DCDC1: variants seen among roughly 807,000 people sequenced by gnomAD.
DCDC1 encodes doublecortin domain-containing protein 1.
In DCDC1, 200 loss-of-function variants were observed where a neutral mutation model predicts 178.3. The ratio of observed to expected loss-of-function variants is 1.12; its 90% CI spans 1.00 to 1.26. DCDC1 has a LOEUF of 1.26. DCDC1 is among the 50% of genes most tolerant of loss of function. DCDC1 has a pLI of 0.00. For synonymous variants in DCDC1, 690 were observed against 604.8 expected (o/e 1.14, Z -2.07); for missense variants, 1,983 against 1,749.2 (o/e 1.13, Z -2.38).
intron 3 of DCDC1, among the ~76,000 whole-genome samples, chr11:31,321,497 C>G (rs1017735251): frequency 9.2e-5 from 14 of 152,162 alleles, no homozygotes; most frequent in African/African-American, 3.4e-4. Context: ...GAGGCAATGC[C>G]TCGCCCAGCT....
Position 30,906,351 on chromosome 11 carries a change from T to C in DCDC1, c.4104+189A>G, listed in dbSNP as rs528817148. On this transcript the variant is annotated intron_variant, in intron 30 of 38. Coordinates refer to ENST00000684477, the MANE Select transcript of DCDC1 (RefSeq NM_001387274.1). ...TAACTTCAAAGAGTCTATTGAACTA[T>C]TAATAGACAATGCATTTTAAATTAC... is the stretch of plus-strand genomic sequence containing the variant. The C allele has an allele frequency of 2.2e-4, 132 of 598,388 alleles. 3 individuals carry two copies. The South Asian group carries it at 2.9e-3, about 13-fold the overall frequency. 37.1% of individuals were successfully genotyped at this position (598,388 alleles called of 1,614,324 possible).
chr11:30,970,538 T>A (rs2134675993), intron 20 of DCDC1, among the ~76,000 whole-genome samples: 1 of 152,326 alleles, frequency 6.6e-6, no homozygotes, highest in South Asian at 2.1e-4. Flanking sequence ...CCACTGCTGC[T>A]GGCAGTTGCC....
At chr11:31,227,080 A>T (rs1003786656) in intron 9 of DCDC1, among the ~76,000 whole-genome samples, 1 of 152,202 alleles carries the variant, frequency 6.6e-6, no homozygotes, top group Non-Finnish European at 1.5e-5. Context: ...AACTACACAT[A>T]CACTCATGCA....
intron 20 of DCDC1, among the ~76,000 whole-genome samples, chr11:31,021,342 G>A (rs1279627775): frequency 6.6e-6 from 1 of 152,084 alleles, no homozygotes; most frequent in African/African-American, 2.4e-5. Context: ...TTCACCATTA[G>A]AAAGCAACTT....
chr11:31,063,356 T>C (rs1263800977), intron 20 of DCDC1, among the ~76,000 whole-genome samples: 1 of 152,116 alleles, frequency 6.6e-6, no homozygotes, highest in Non-Finnish European at 1.5e-5. Flanking sequence ...ATTGGGTACA[T>C]ACCCAAAGGA....
chr11:31,087,285 GT>G (rs982342737), intron 17 of DCDC1, among the ~76,000 whole-genome samples: 16 of 151,566 alleles, frequency 1.1e-4, no homozygotes, highest in East Asian at 5.8e-4. Context: ...AGATTTATTA[GT>G]TTTTTTTAAT....
In DCDC1 at chr11:31,158,449, A is replaced by G. The variant is rs559748358; in HGVS notation, c.1222-20665T>C. On this transcript the variant is annotated intron_variant, in intron 9 of 38. Transcript: ENST00000684477. ...TACATTGTTTTTGACTATGGTCACC[A>G]TGTTGTACAATAGATTTCATGAACT... Among the ~76,000 whole-genome samples the G allele has an allele frequency of 8.5e-5, 13 of 152,146 alleles. No homozygotes were observed. In the East Asian group the frequency reaches 1.7e-3, roughly 20 times the overall value.
intron 9 of DCDC1, among the ~76,000 whole-genome samples, chr11:31,208,921 C>T (rs286649): frequency 0.3 from 45,572 of 152,082 alleles, 8,300 homozygotes; most frequent in East Asian, 0.63. Flanking sequence ...TGATAGCATC[C>T]AACAGCACCT....
intron 9 of DCDC1, among the ~76,000 whole-genome samples, chr11:31,232,567 C>T (rs1217738272): frequency 6.6e-6 from 1 of 152,108 alleles, no homozygotes; most frequent in Non-Finnish European, 1.5e-5. Flanking sequence ...CTCCTGACTT[C>T]ATGCCACTGC....
intron 38 of DCDC1, among the ~76,000 whole-genome samples, chr11:30,875,525 G>T (rs1942037035): frequency 7.1e-6 from 1 of 141,164 alleles, no homozygotes; most frequent in Admixed American, 7.4e-5. Context: ...TGTGTGTTTT[G>T]ATCATTCGCT....
intron 9 of DCDC1, among the ~76,000 whole-genome samples, chr11:31,233,433 AGCACATATGTG>A (rs1256372997): frequency 6.6e-6 from 1 of 152,186 alleles, no homozygotes; most frequent in Middle Eastern, 3.2e-3. Context: ...ACACAGACAG[AGCACATATGTG>A]GTACTCAACA....
chr11:31,013,790 C>A (rs1267408215), intron 20 of DCDC1, among the ~76,000 whole-genome samples: 1 of 152,162 alleles, frequency 6.6e-6, no homozygotes, highest in Non-Finnish European at 1.5e-5. Flanking sequence ...ATTAATGATG[C>A]TTTCATTTTT....
chr11:31,001,541 C>T (rs1473533142), intron 20 of DCDC1, among the ~76,000 whole-genome samples: 3 of 152,154 alleles, frequency 2.0e-5, no homozygotes, highest in Non-Finnish European at 2.9e-5. Context: ...TTCTCTGCCA[C>T]CGCAGCGAGG....
chr11:30,888,106 GAA>G lies in DCDC1; in HGVS notation c.5082+4710_5082+4711del, dbSNP rs1554959001. 9.3e-3 allele frequency among the ~76,000 whole-genome samples: 793 copies of G among 84,904 alleles called. 9 individuals are homozygous for G. Among genetic ancestry groups the G allele is most frequent in the Non-Finnish European group, 0.012 (494 of 41,718 alleles). The allele number at this position is 84,904 out of a possible 152,430, so 55.7% of individuals were successfully genotyped here. ...AGAGAAAGAAAGAAAGAAAAAGAAA[GAA>G]AGAAAGAAAGAAAGAAAGAAAGAAA... On this transcript the variant is annotated intron_variant, in intron 36 of 38. Coordinates refer to ENST00000684477, the MANE Select transcript of DCDC1 (RefSeq NM_001387274.1).
At chr11:31,322,034 T>C (rs1949391655) in intron 3 of DCDC1, among the ~76,000 whole-genome samples, 1 of 152,194 alleles carries the variant, frequency 6.6e-6, no homozygotes, top group Admixed American at 6.5e-5. Flanking sequence ...TTATTCTAAA[T>C]CATTTTCCCA....
intron 20 of DCDC1, among the ~76,000 whole-genome samples, chr11:30,976,443 G>A (rs776014639): frequency 5.3e-5 from 8 of 151,832 alleles, no homozygotes; most frequent in Non-Finnish European, 1.0e-4. Context: ...TCTGACAAGG[G>A]GCTGATATCC....
intron 15 of DCDC1, among the ~76,000 whole-genome samples, chr11:31,096,109 T>C (rs1328460783): frequency 6.6e-6 from 1 of 152,168 alleles, no homozygotes; most frequent in African/African-American, 2.4e-5. Context: ...AAAACTAATA[T>C]ATGTGGTAAT....
chr11:30,934,693 A>C (rs946038711), intron 21 of DCDC1, among the ~76,000 whole-genome samples: 2 of 152,178 alleles, frequency 1.3e-5, no homozygotes, highest in Non-Finnish European at 2.9e-5. Flanking sequence ...GCCAACATGC[A>C]ATGCATTCCT....
chr11:31,036,756 C>A (rs1954060304), intron 20 of DCDC1, among the ~76,000 whole-genome samples: 1 of 152,108 alleles, frequency 6.6e-6, no homozygotes, highest in Admixed American at 6.6e-5. Flanking sequence ...TGATGCAGAA[C>A]CTGCAGATAC....
Sources: gnomAD v4.1 joint callset for allele counts (sites outside exome capture counted in the v4.1 genomes callset) on GRCh38, gnomAD v4.1.1 for gene constraint, MANE v1.5 for transcripts, NCBI Gene and HGNC (gene_info 2026-07-23, HGNC 2026-07-21) for gene names.